The following DCDC2 variants were observed in gnomAD, a reference collection of about 807,000 sequenced individuals.
DCDC2 encodes the protein doublecortin domain containing 2.
In DCDC2, 40 loss-of-function variants were observed where a neutral mutation model predicts 50.2. That is an observed-to-expected ratio of 0.80 (90% CI 0.62 to 1.04). The LOEUF is 1.04. Ranked by LOEUF, DCDC2 falls within the 50% of genes least tolerant of loss-of-function variation. DCDC2 has a pLI of 0.00. For synonymous variants in DCDC2, 234 were observed against 210.6 expected (o/e 1.11, Z -0.96); for missense variants, 570 against 581.9 (o/e 0.98, Z 0.21).
intron 7 of DCDC2, among the ~76,000 whole-genome samples, chr6:24,266,925 A>G (rs957280553): frequency 6.6e-6 from 1 of 152,204 alleles, no homozygotes; most frequent in African/African-American, 2.4e-5. Context: ...CAACAGATGA[A>G]TGAATAAAGA....
intron 7 of DCDC2, among the ~76,000 whole-genome samples, chr6:24,209,989 T>G (rs1037779476): frequency 3.3e-5 from 5 of 151,652 alleles, no homozygotes; most frequent in Non-Finnish European, 7.4e-5. Context: ...TTACTTGATC[T>G]TTTAGCAGCT....
At chr6:24,298,768 T>TA (rs1372453224) in intron 4 of DCDC2, among the ~76,000 whole-genome samples, 7 of 152,136 alleles carry the variant, frequency 4.6e-5, no homozygotes, top group Non-Finnish European at 1.0e-4. Flanking sequence ...ACTAGACAGG[T>TA]AACAGTATGA....
At chr6:24,343,027 A>G (rs1172944719) in intron 2 of DCDC2, among the ~76,000 whole-genome samples, 1 of 149,150 alleles carries the variant, frequency 6.7e-6, no homozygotes, top group African/African-American at 2.5e-5. Flanking sequence ...AATGTAGTCC[A>G]CTGCCTGGCT....
chr6:24,263,858 G>A (rs1266284140), intron 7 of DCDC2, among the ~76,000 whole-genome samples: 1 of 151,992 alleles, frequency 6.6e-6, no homozygotes, highest in East Asian at 1.9e-4. Flanking sequence ...CTTAAAGAAA[G>A]ATATCAATAT....
the DCDC2 span, among the ~76,000 whole-genome samples, chr6:24,369,226 T>C: frequency 6.6e-6 from 1 of 152,062 alleles, no homozygotes; most frequent in African/African-American, 2.4e-5. Context: ...CCCTTTTGTT[T>C]GTTTTTGTGG....
At chr6:24,189,003 C>T (rs577346160) in intron 8 of DCDC2, among the ~76,000 whole-genome samples, 1 of 152,024 alleles carries the variant, frequency 6.6e-6, no homozygotes, top group South Asian at 2.1e-4. Context: ...TAAGACAGGA[C>T]TTCTACCTTT....
At chr6:24,357,372 T>TG (rs893877115) in intron 1 of DCDC2, 86 bp downstream of exon 1, 23 of 1,437,012 alleles carry the variant, frequency 1.6e-5, no homozygotes, top group East Asian at 2.3e-5. Flanking sequence ...CACTGAGGTG[T>TG]GGGGGGGTAG....
chr6:24,259,573 C>T (rs1762966549), intron 7 of DCDC2, among the ~76,000 whole-genome samples: 1 of 152,168 alleles, frequency 6.6e-6, no homozygotes, highest in Non-Finnish European at 1.5e-5. Context: ...CTCCCCTTCC[C>T]TGTTCATATT....
At chr6:24,202,227 T>G (rs1306374740) in intron 8 of DCDC2, among the ~76,000 whole-genome samples, 2 of 152,006 alleles carry the variant, frequency 1.3e-5, no homozygotes, top group East Asian at 3.9e-4. Context: ...GACACCAAAA[T>G]CCTCAATAAA....
chr6:24,346,509 A>G (rs6910632), intron 2 of DCDC2, among the ~76,000 whole-genome samples: 4,185 of 152,152 alleles, frequency 0.028, 73 homozygotes, highest in African/African-American at 0.049. Context: ...TACTCCCAGC[A>G]CTTTGGGAGG....
At position 24,340,063 on chromosome 6, in the gene DCDC2, G is replaced by T. The variant is rs527844360; in HGVS notation, c.348+13506C>A. The stretch of plus-strand genomic sequence containing the variant: ...AAAATTCCCAGTAGACAATCACATT[G>T]CTTGGATTGCATTATATACATGTTC... On this transcript the variant is annotated intron_variant, in intron 2 of 9. Transcript: ENST00000378454. 3.3e-5 allele frequency among the ~76,000 whole-genome samples: 5 copies of T among 152,266 alleles called. No individual in the cohort carries two copies. In the South Asian group the frequency reaches 1.0e-3, roughly 32 times the overall value.
intron 2 of DCDC2, among the ~76,000 whole-genome samples, chr6:24,325,138 C>CTGCCTCAGCCTCCTGAGTAGCTGGG (rs1554119171): frequency 1.3e-5 from 2 of 150,154 alleles, no homozygotes; most frequent in Non-Finnish European, 3.0e-5. Context: ...CCAGAATCTC[C>CTGCCTCAGCCTCCTGAGTAGCTGGG]AGAGCCCCGT....
At chr6:24,198,448 G>A (rs953961775) in intron 8 of DCDC2, among the ~76,000 whole-genome samples, 1 of 152,186 alleles carries the variant, frequency 6.6e-6, no homozygotes, top group African/African-American at 2.4e-5. Context: ...GAGGGACTGT[G>A]TCACGAGGAA....
At chr6:24,300,052 T>C (rs1759338693) in intron 4 of DCDC2, among the ~76,000 whole-genome samples, 1 of 152,286 alleles carries the variant, frequency 6.6e-6, no homozygotes, top group Admixed American at 6.5e-5. Context: ...TTTGTATACA[T>C]GTATTTATTT....
At chr6:24,380,507 CCGTTG>C in the DCDC2 span, among the ~76,000 whole-genome samples, 176 of 152,206 alleles carry the variant, frequency 1.2e-3, 1 homozygote, top group African/African-American at 4.1e-3. Context: ...CGAGAGAGTT[CCGTTG>C]CATGAGCTAC....
rs554276832 is a variant in DCDC2, at chr6:24,358,053, A to G, written c.-303T>C. On this transcript the variant is annotated 5_prime_UTR_variant, in exon 1 of 10. Transcript: ENST00000378454. The stretch of plus-strand genomic sequence containing the variant: ...TGCTACGGGCAGAATCAAGGTGGAC[A>G]GCTTCTGAGCAGGAGCCGGAAACGC... 1.2e-4 allele frequency: 131 copies of G among 1,064,728 alleles called. 1 individual carries two copies. The East Asian group carries it at 2.7e-3, about 22-fold the overall frequency. 66.0% of individuals were successfully genotyped at this position (1,064,728 alleles called of 1,614,324 possible).
At chr6:24,373,232 T>C in the DCDC2 span, among the ~76,000 whole-genome samples, 4 of 152,342 alleles carry the variant, frequency 2.6e-5, no homozygotes, top group South Asian at 8.3e-4. Flanking sequence ...ACAATTCTTC[T>C]ACTTTGTACA....
intron 8 of DCDC2, among the ~76,000 whole-genome samples, chr6:24,201,930 A>G (rs763444416): frequency 3.9e-5 from 6 of 152,168 alleles, no homozygotes; most frequent in African/African-American, 1.4e-4. Flanking sequence ...CCCTCCCAAG[A>G]CTAAACCAGG....
intron 8 of DCDC2, among the ~76,000 whole-genome samples, chr6:24,185,688 TACACACAC>T (rs35379687): frequency 0.046 from 6,614 of 144,440 alleles, 292 homozygotes; most frequent in African/African-American, 0.12. Context: ...TCCATACACA[TACACACAC>T]ACACACACAC....
Sources: allele counts gnomAD v4.1 joint callset (sites outside exome capture counted in the v4.1 genomes callset), GRCh38; gene constraint gnomAD v4.1.1; transcripts MANE v1.5; gene names NCBI Gene and HGNC (gene_info 2026-07-23, HGNC 2026-07-21).